KMT2E: variants seen among roughly 807,000 people sequenced by gnomAD.
KMT2E encodes the protein lysine methyltransferase 2E (inactive).
Under a neutral mutation model 184.6 loss-of-function variants are expected in KMT2E, and 30 were observed. That is an observed-to-expected ratio of 0.16 (90% CI 0.12 to 0.22). KMT2E has a LOEUF of 0.22. Ranked by LOEUF, KMT2E falls within the 10% of genes least tolerant of loss-of-function variation. The probability of loss-of-function intolerance (pLI) is 1.00; values close to 1 mark genes in which losing one functional copy is unlikely to be tolerated. For missense variants in KMT2E, 2,023 were observed against 2,237.4 expected (o/e 0.90, Z 1.93); for synonymous variants, 815 against 776.5 (o/e 1.05, Z -0.82).
rs891207705 is a variant in KMT2E at position 105,087,056 on chromosome 7, CATATATA to C, written c.1359-2942_1359-2936del. ...TATATGGCATGTATAATATATATAG[CATATATA>C]ATATATAATACATAATATATAGCGT... On this transcript the variant is annotated intron_variant, in intron 13 of 26. Coordinates refer to ENST00000311117, the MANE Select transcript of KMT2E (RefSeq NM_182931.3). Among the ~76,000 whole-genome samples, 49 of 145,950 alleles carry C rather than the reference CATATATA, an allele frequency of 3.4e-4. 1 individual carries two copies. The highest frequency in any genetic ancestry group is 3.5e-4 in the Admixed American group (5 of 14,458).
Position 105,114,059 on chromosome 7 carries a change from T to TAATA in KMT2E, c.*730_*733dup, listed in dbSNP as rs1196561699. ...ACTGGTTGGGCATTTTAATTCATGT[T>TAATA]AATAAATCACAATTATGTCAGTTTT... On this transcript the variant is annotated 3_prime_UTR_variant, in exon 27 of 27. Coordinates refer to ENST00000311117, the MANE Select transcript of KMT2E (RefSeq NM_182931.3). 1.3e-5 allele frequency: 2 copies of TAATA among 152,642 alleles called. No homozygotes were observed. The highest frequency in any genetic ancestry group is 1.5e-5 in the Non-Finnish European group (1 of 68,038). 9.5% of individuals were successfully genotyped at this position (152,642 alleles called of 1,614,324 possible).
intron 26 of KMT2E, chr7:105,111,131 TC>T: frequency 2.6e-6 from 1 of 382,584 alleles, no homozygotes; most frequent in South Asian, 5.0e-5. Context: ...CCACCTCTAT[TC>T]TAGTGGTGTC....
intron 13 of KMT2E, chr7:105,089,227 C>A (rs762667731): frequency 2.0e-5 from 8 of 403,686 alleles, no homozygotes; most frequent in South Asian, 1.4e-4. Flanking sequence ...TGGATGCAGT[C>A]TCACTCTGTC....
At chr7:105,104,900 G>A (rs564317580) in intron 17 of KMT2E, 73 of 152,328 alleles carry the variant, frequency 4.8e-4, no homozygotes, top group African/African-American at 1.6e-3. Context: ...TGGGCACGGT[G>A]GCTCACACCT....
At chr7:105,096,218 C>T (rs192101147) in intron 15 of KMT2E, among the ~76,000 whole-genome samples, 1 of 133,372 alleles carries the variant, frequency 7.5e-6, no homozygotes, top group Non-Finnish European at 1.5e-5. Context: ...GGCATCACTG[C>T]ACTCCAGCCT....
intron 1 of KMT2E, among the ~76,000 whole-genome samples, chr7:105,031,767 T>A (rs937162709): frequency 7.8e-5 from 11 of 140,322 alleles, no homozygotes; most frequent in African/African-American, 1.9e-4. Flanking sequence ...AATAAATAAA[T>A]TAAATAAATA....
At chr7:105,068,714 A>G (rs76611529) in intron 6 of KMT2E, among the ~76,000 whole-genome samples, 5,645 of 148,254 alleles carry the variant, frequency 0.038, 387 homozygotes, top group African/African-American at 0.13. Flanking sequence ...GGCTCAAGCA[A>G]TCTTCCCACC....
Position 105,082,588 on chromosome 7 carries a change from G to C in KMT2E, c.1358+791G>C, listed in dbSNP as rs552788630. 5.3e-5 allele frequency among the ~76,000 whole-genome samples: 8 copies of C among 152,288 alleles called. No homozygotes were observed. The South Asian group carries it at 1.4e-3, about 28-fold the overall frequency. On this transcript the variant is annotated intron_variant, in intron 13 of 26. Coordinates refer to ENST00000311117, the MANE Select transcript of KMT2E (RefSeq NM_182931.3). Reference sequence around the variant, plus strand: ...CTCATCTTCATGTTGAGTAGGCTGAGGAGGAAGGGTGGGGGTTGCTCTTGC... The same window carrying C: ...CTCATCTTCATGTTGAGTAGGCTGACGAGGAAGGGTGGGGGTTGCTCTTGC...
At chr7:105,024,011 A>C (rs763756304) in intron 1 of KMT2E, among the ~76,000 whole-genome samples, 3 of 152,196 alleles carry the variant, frequency 2.0e-5, no homozygotes, top group Non-Finnish European at 2.9e-5. Flanking sequence ...TTAGACTTTC[A>C]TTACATTATG....
At chr7:105,038,722 T>G (rs571069331) in intron 2 of KMT2E, among the ~76,000 whole-genome samples, 5 of 152,270 alleles carry the variant, frequency 3.3e-5, no homozygotes, top group South Asian at 4.1e-4. Context: ...CTTGCTACAT[T>G]GGCTTTCCCT....
intron 4 of KMT2E, 32 bp from the exon 5 acceptor site, chr7:105,063,303 TTGTTGAAATTAAATAA>T: frequency 7.6e-7 from 1 of 1,313,516 alleles, no homozygotes; most frequent in Non-Finnish European, 1.1e-6. Context: ...GTTTATATCA[TTGTTGAAATTAAATAA>T]TATTGTGCTA....
chr7:105,113,584 T>C lies in KMT2E; in HGVS notation c.*251T>C. 1.2e-5 allele frequency: 5 copies of C among 415,600 alleles called. No homozygotes were observed. The highest frequency in any genetic ancestry group is 1.7e-5 in the Non-Finnish European group (4 of 234,726). The allele number at this position is 415,600 out of a possible 1,614,324, so 25.7% of individuals were successfully genotyped here. On this transcript the variant is annotated 3_prime_UTR_variant, in exon 27 of 27. Coordinates refer to ENST00000311117, the MANE Select transcript of KMT2E (RefSeq NM_182931.3). Reference sequence around the variant, plus strand: ...TTTTTTCTGGCAGATCTGATGCTGATTTGATGCTGTATGATCTTTTTTTTT... The same window carrying C: ...TTTTTTCTGGCAGATCTGATGCTGACTTGATGCTGTATGATCTTTTTTTTT...
intron 3 of KMT2E, among the ~76,000 whole-genome samples, chr7:105,052,330 G>A (rs1270299277): frequency 6.6e-6 from 1 of 152,070 alleles, no homozygotes; most frequent in Admixed American, 6.5e-5. Flanking sequence ...TCACATACTA[G>A]TGAGGCCTCC....
chr7:105,070,691 T>TGG (rs1286324208), intron 6 of KMT2E, among the ~76,000 whole-genome samples: 3 of 148,576 alleles, frequency 2.0e-5, no homozygotes, highest in Non-Finnish European at 3.0e-5. Context: ...TATGTGTCTG[T>TGG]GGTCCCAGCT....
Position 105,110,498 on chromosome 7 carries a change from C to T in KMT2E, c.3866C>T (p.Ser1289Leu), listed in dbSNP as rs751576626. The part of the protein sequence containing the change: ...KDSGGESPCV[S>L]CSPSHVQSSP... The stretch of plus-strand genomic sequence containing the variant: ...CTAGGGGGAGAATCACCATGTGTCT[C>T]ATGTTCACCGAGTCATGTTCAGTCT... Residue 1289 changes from serine (S) to leucine (L), a missense_variant, in exon 25 of 27, where the codon TCA becomes TTA. Ser to Leu is a moderately radical substitution (Grantham distance 145, BLOSUM62 -2). Transcript: ENST00000311117. 4.3e-6 allele frequency: 7 copies of T among 1,614,078 alleles called. No homozygotes were observed. In the South Asian group the frequency reaches 6.6e-5, roughly 15 times the overall value.
intron 3 of KMT2E, among the ~76,000 whole-genome samples, chr7:105,045,284 T>A: frequency 6.6e-6 from 1 of 152,240 alleles, no homozygotes; most frequent in East Asian, 1.9e-4. Context: ...AGTGAAAATA[T>A]ATATTTTTAA....
At chr7:105,043,398 G>A (rs959107045) in intron 3 of KMT2E, among the ~76,000 whole-genome samples, 7 of 151,246 alleles carry the variant, frequency 4.6e-5, no homozygotes, top group Non-Finnish European at 8.8e-5. Flanking sequence ...CACTACGCCC[G>A]GCTAATTTTT....
chr7:105,070,286 C>T (rs747481301), intron 6 of KMT2E, among the ~76,000 whole-genome samples: 9 of 151,850 alleles, frequency 5.9e-5, no homozygotes, highest in African/African-American at 1.5e-4. Context: ...AATGGCTATT[C>T]GATTTTATAT....
chr7:105,099,096 T>C (rs563941942), intron 15 of KMT2E, among the ~76,000 whole-genome samples: 1 of 152,346 alleles, frequency 6.6e-6, no homozygotes, highest in East Asian at 1.9e-4. Context: ...CTGAATGATG[T>C]ATGACCTTTA....
Sources: allele counts gnomAD v4.1 joint callset (sites outside exome capture counted in the v4.1 genomes callset), GRCh38; gene constraint gnomAD v4.1.1; transcripts MANE v1.5; gene names NCBI Gene and HGNC (gene_info 2026-07-23, HGNC 2026-07-21).